CAMTA1: variants seen among roughly 807,000 people sequenced by gnomAD.
CAMTA1 encodes the protein calmodulin-binding transcription activator 1.
A neutral mutation model predicts 170.9 loss-of-function variants in CAMTA1; 27 were observed. The observed-to-expected ratio is 0.16, with a 90% confidence interval of 0.12 to 0.22. The LOEUF (loss-of-function observed/expected upper bound fraction) is 0.22. Among genes scored for constraint, CAMTA1 ranks in the 10% least tolerant of loss-of-function variants. CAMTA1 has a pLI of 1.00. For synonymous variants in CAMTA1, 833 were observed against 891.5 expected, an observed-to-expected ratio of 0.93 and a Z score of 1.17; for missense variants, 1,619 against 2,217.2, an observed-to-expected ratio of 0.73 and a Z score of 5.42.
intron 6 of CAMTA1, among the ~76,000 whole-genome samples, chr1:7,480,299 ATGAGTGCATTTGTAAGTGTGTGTGT>A (rs2093502924): frequency 2.9e-5 from 4 of 139,820 alleles, no homozygotes; most frequent in Admixed American, 2.1e-4. Flanking sequence ...GCGTGTGTGT[ATGAGTGCATTTGTAAGTGTGTGTGT>A]GTATGAGTGC....
At chr1:7,315,227 G>A (rs1557499857) in intron 5 of CAMTA1, among the ~76,000 whole-genome samples, 1 of 152,246 alleles carries the variant, frequency 6.6e-6, no homozygotes, top group African/African-American at 2.4e-5. Context: ...CAGCTGGAGA[G>A]AGGGTTGTTC....
At chr1:7,080,257 C>A (rs1639833980) in intron 3 of CAMTA1, among the ~76,000 whole-genome samples, 2 of 152,116 alleles carry the variant, frequency 1.3e-5, no homozygotes, top group Admixed American at 1.3e-4. Context: ...TTTTTCTATT[C>A]TAAAAGAAAT....
intron 6 of CAMTA1, among the ~76,000 whole-genome samples, chr1:7,549,586 G>T (rs2094770962): frequency 6.6e-6 from 1 of 152,116 alleles, no homozygotes. Flanking sequence ...TTGTGGACTG[G>T]CCCAGCTTTA....
At chr1:7,310,678 T>C (rs866470429) in intron 5 of CAMTA1, among the ~76,000 whole-genome samples, 960 of 34,330 alleles carry the variant, frequency 0.028, 43 homozygotes, top group South Asian at 0.054. Flanking sequence ...TTTCCTTTCT[T>C]TCTCTCTCTC....
intron 4 of CAMTA1, among the ~76,000 whole-genome samples, chr1:7,103,632 C>CA (rs1224959098): frequency 1.1e-5 from 1 of 87,788 alleles, no homozygotes; most frequent in Non-Finnish European, 2.3e-5. Context: ...CACACAACTA[C>CA]ACACACGCAC....
chr1:7,432,866 C>G (rs1420895833), intron 5 of CAMTA1, among the ~76,000 whole-genome samples: 3 of 152,244 alleles, frequency 2.0e-5, no homozygotes, highest in Non-Finnish European at 4.4e-5. Context: ...CAGGCAATGC[C>G]CAGGCTGAGG....
At chr1:7,232,003 G>A (rs1165345268) in intron 4 of CAMTA1, among the ~76,000 whole-genome samples, 1 of 152,242 alleles carries the variant, frequency 6.6e-6, no homozygotes, top group Non-Finnish European at 1.5e-5. Context: ...CATGTTGGGG[G>A]TGCATGCGAT....
intron 6 of CAMTA1, among the ~76,000 whole-genome samples, chr1:7,543,866 G>A (rs189173512): frequency 6.6e-6 from 1 of 152,172 alleles, no homozygotes; most frequent in Admixed American, 6.5e-5. Flanking sequence ...ACAGGAAAAG[G>A]GTTAAAGCAA....
At position 7,682,279 on chromosome 1, in the gene CAMTA1, G is replaced by T. The variant is rs2096214805; in HGVS notation, c.2914+4546G>T. On this transcript the variant is annotated intron_variant, in intron 11 of 22. Transcript: ENST00000303635. This position sits in a 1 kb window ranked among gnomAD's most constrained non-coding sequence, Gnocchi z 5.0. Reference sequence around the variant, plus strand: ...GCAAGCCTCAGTGTAAGGTGGGTGAGCCCAGACAGCTTGCCCCTGCAGCTG... The same window carrying T: ...GCAAGCCTCAGTGTAAGGTGGGTGATCCCAGACAGCTTGCCCCTGCAGCTG... Among the ~76,000 whole-genome samples the T allele has an allele frequency of 6.6e-6, 1 of 152,200 alleles. No individual in the cohort carries two copies. Among genetic ancestry groups the T allele is most frequent in the Non-Finnish European group, 1.5e-5 (1 of 68,040 alleles).
At position 7,348,600 on chromosome 1, in the gene CAMTA1, C is replaced by T. The variant is rs944433803; in HGVS notation, c.438+98974C>T. Among the ~76,000 whole-genome samples the T allele has an allele frequency of 3.3e-5, 5 of 152,122 alleles. No homozygotes were observed. The South Asian group carries it at 6.2e-4, about 19-fold the overall frequency. On this transcript the variant is annotated intron_variant, in intron 5 of 22. Transcript: ENST00000303635. ...GGTCCCTGCAGGAGAACTTCCAGGG[C>T]GAGGATCCAACTAAGTGGAATTGTC...
intron 4 of CAMTA1, among the ~76,000 whole-genome samples, chr1:7,174,344 C>T (rs1322688887): frequency 4.6e-5 from 7 of 152,100 alleles, no homozygotes; most frequent in East Asian, 1.9e-4. Flanking sequence ...GAAGCGTTCA[C>T]GAAAAAAGGT....
chr1:7,472,442 T>A (rs2093349160), intron 6 of CAMTA1, among the ~76,000 whole-genome samples: 1 of 151,994 alleles, frequency 6.6e-6, no homozygotes, highest in African/African-American at 2.4e-5. Flanking sequence ...GCAGTGAGCC[T>A]CCACCACGCA....
intron 3 of CAMTA1, among the ~76,000 whole-genome samples, chr1:6,900,611 C>T (rs920508815): frequency 6.6e-6 from 1 of 151,916 alleles, no homozygotes; most frequent in Non-Finnish European, 1.5e-5. Flanking sequence ...CAACAAGATA[C>T]AAGATCAATT....
At chr1:7,602,459 T>G (rs2095454705) in intron 6 of CAMTA1, among the ~76,000 whole-genome samples, 2 of 152,188 alleles carry the variant, frequency 1.3e-5, no homozygotes, top group Admixed American at 6.5e-5. Context: ...CTTTACAGTA[T>G]TCTCTGATGG....
At chr1:6,935,682 T>G (rs1685183355) in intron 3 of CAMTA1, among the ~76,000 whole-genome samples, 1 of 152,224 alleles carries the variant, frequency 6.6e-6, no homozygotes, top group African/African-American at 2.4e-5. Context: ...AAAGAAAACA[T>G]TTGCAAAAAG....
rs148792392 is a variant in CAMTA1 at position 7,221,595 on chromosome 1, A to G, written c.303-27896A>G. Among the ~76,000 whole-genome samples the G allele has an allele frequency of 8.5e-3, 1,289 of 151,084 alleles. 19 individuals are homozygous for G. Among genetic ancestry groups the G allele is most frequent in the African/African-American group, 0.03 (1,227 of 41,068 alleles). ...CAGACCAGTGAATGCGTCGTGAAAC[A>G]CCTCTCCAGGCCCGTGGAATGGGGT... On this transcript the variant is annotated intron_variant, in intron 4 of 22. Coordinates refer to ENST00000303635, the MANE Select transcript of CAMTA1 (RefSeq NM_015215.4).
chr1:7,278,147 G>C (rs985246967), intron 5 of CAMTA1, among the ~76,000 whole-genome samples: 4 of 152,206 alleles, frequency 2.6e-5, no homozygotes, highest in Non-Finnish European at 5.9e-5. Context: ...TCATCCTTCA[G>C]AAAGGCTGTG....
chr1:7,139,616 C>T (rs989361316), intron 4 of CAMTA1, among the ~76,000 whole-genome samples: 1 of 152,148 alleles, frequency 6.6e-6, no homozygotes, highest in Non-Finnish European at 1.5e-5. Flanking sequence ...CCCTTTCCTC[C>T]TGTCTGTCTG....
intron 11 of CAMTA1, among the ~76,000 whole-genome samples, chr1:7,699,320 G>A (rs962833102): frequency 4.0e-5 from 6 of 151,666 alleles, no homozygotes; most frequent in African/African-American, 1.5e-4. Context: ...GGCAATTATT[G>A]ATCTATTTCC....
Sources: allele counts gnomAD v4.1 joint callset (sites outside exome capture counted in the v4.1 genomes callset), GRCh38; gene constraint gnomAD v4.1.1; non-coding constraint Gnocchi (gnomAD v3.1); transcripts MANE v1.5; gene names NCBI Gene and HGNC (gene_info 2026-07-23, HGNC 2026-07-21).